The following FBXO31 variants were observed in gnomAD, a reference collection of about 807,000 sequenced individuals.
FBXO31 encodes the protein F-box protein 31, also known as F-box only protein 31.
A neutral mutation model predicts 54.4 loss-of-function variants in FBXO31; 24 were observed. The observed-to-expected ratio is 0.44, with a 90% CI of 0.32 to 0.62. The LOEUF (loss-of-function observed/expected upper bound fraction) is 0.62, where lower values mean the gene tolerates loss of function less well. FBXO31 is among the 20% of genes least tolerant of loss of function. The pLI, the probability that FBXO31 is intolerant of heterozygous loss-of-function variation, is 0.05. For synonymous variants in FBXO31, 388 were observed against 335.6 expected, an observed-to-expected ratio of 1.16 and a Z score of -1.71; for missense variants, 665 against 787.1, an observed-to-expected ratio of 0.84 and a Z score of 1.86.
chr16:87,347,512 C>T (rs967130816), intron 2 of FBXO31, among the ~76,000 whole-genome samples: 1 of 152,060 alleles, frequency 6.6e-6, no homozygotes, highest in Non-Finnish European at 1.5e-5. Context: ...AACCCCGTCT[C>T]TACTAAAACT....
rs1906017563 is a variant in FBXO31 at position 87,358,957 on chromosome 16, G to A, written c.412+1338C>T. 6.6e-6 allele frequency among the ~76,000 whole-genome samples: 1 copy of A among 152,184 alleles called. No homozygotes were observed. Among genetic ancestry groups the A allele is most frequent in the South Asian group, 2.1e-4 (1 of 4,832 alleles). On this transcript the variant is annotated intron_variant, in intron 2 of 8. Transcript: ENST00000311635. The surrounding 1 kb of genome is among the most constrained non-coding windows in gnomAD (Gnocchi z 4.0). ...GCTAACTCAGGCCAGCCTCGTCACA[G>A]GTCATCCAAGGTTGCCCAACTACAC... is the stretch of plus-strand genomic sequence containing the variant.
At chr16:87,333,585 G>A (rs561878607) in intron 8 of FBXO31, among the ~76,000 whole-genome samples, 5 of 152,358 alleles carry the variant, frequency 3.3e-5, no homozygotes, top group Non-Finnish European at 2.9e-5. Flanking sequence ...GCCCCTGGGG[G>A]AGCGGCACTA....
upstream of FBXO31, among the ~76,000 whole-genome samples, chr16:87,390,795 C>T (rs1336198298): frequency 6.6e-6 from 1 of 151,810 alleles, no homozygotes; most frequent in Non-Finnish European, 1.5e-5. Context: ...CGGGGTCTTG[C>T]TATGTTGCCC....
intron 2 of FBXO31, among the ~76,000 whole-genome samples, chr16:87,354,194 C>G (rs1323190597): frequency 2.0e-5 from 3 of 152,212 alleles, no homozygotes; most frequent in Non-Finnish European, 4.4e-5. Flanking sequence ...GAACATTGTC[C>G]AGGCGCGGTG....
At chr16:87,366,677 A>G (rs932322812) in intron 1 of FBXO31, among the ~76,000 whole-genome samples, 1 of 152,246 alleles carries the variant, frequency 6.6e-6, no homozygotes, top group African/African-American at 2.4e-5. Context: ...TATGTACCAC[A>G]GTTGCTGGTA....
intron 1 of FBXO31, among the ~76,000 whole-genome samples, chr16:87,361,598 G>A (rs892571641): frequency 7.9e-5 from 12 of 152,332 alleles, no homozygotes; most frequent in Middle Eastern, 3.4e-3. Flanking sequence ...ACGTCGATAC[G>A]ATGCGGTCAG....
chr16:87,334,586 G>C (rs1467807710), intron 7 of FBXO31, among the ~76,000 whole-genome samples: 3 of 152,372 alleles, frequency 2.0e-5, no homozygotes, highest in East Asian at 3.9e-4. Context: ...CTGTCTGCCT[G>C]AAAGGCAGAG....
At chr16:87,359,778 G>A (rs968452552) in intron 2 of FBXO31, among the ~76,000 whole-genome samples, 5 of 152,160 alleles carry the variant, frequency 3.3e-5, no homozygotes, top group Admixed American at 2.0e-4. Flanking sequence ...CTGCCTGATC[G>A]GTGAGTGTCA....
Position 87,336,389 on chromosome 16 carries a change from C to A in FBXO31, c.733-125G>T. 2 of 773,472 alleles carry A rather than the reference C, an allele frequency of 2.6e-6. No individual in the cohort carries two copies. Among genetic ancestry groups the A allele is most frequent in the East Asian group, 2.7e-5 (1 of 37,388 alleles). 47.9% of individuals were successfully genotyped at this position (773,472 alleles called of 1,614,324 possible). ...AGTGCACAGGCACCTGCAGGGCCCT[C>A]TTGGTGGGGGAGGATGGACTTGGCG... On this transcript the variant is annotated intron_variant, in intron 5 of 8. Transcript: ENST00000311635. The surrounding 1 kb of genome is among the most constrained non-coding windows in gnomAD (Gnocchi z 6.5).
chr16:87,334,318 G>T, intron 7 of FBXO31, 32 bp from the exon 8 acceptor site: 2 of 1,534,708 alleles, frequency 1.3e-6, no homozygotes, highest in East Asian at 2.3e-5. Context: ...GCAGGGCTCA[G>T]GCCAGCAGCA....
intron 1 of FBXO31, among the ~76,000 whole-genome samples, chr16:87,370,126 T>C (rs1035035083): frequency 9.2e-5 from 14 of 152,184 alleles, no homozygotes; most frequent in Admixed American, 3.9e-4. Flanking sequence ...GGGAATGCTT[T>C]GGAAGAGCCC....
At chr16:87,391,317 C>G (rs1907538073), upstream of FBXO31, among the ~76,000 whole-genome samples, 1 of 152,174 alleles carries the variant, frequency 6.6e-6, no homozygotes, top group Non-Finnish European at 1.5e-5. Context: ...AAAAAAACCC[C>G]AAAGAATCTA....
chr16:87,381,275 G>C (rs972383216), intron 1 of FBXO31, among the ~76,000 whole-genome samples: 1 of 152,006 alleles, frequency 6.6e-6, no homozygotes, highest in African/African-American at 2.4e-5. Flanking sequence ...GACAAAAATA[G>C]ACATCTTAAG....
chr16:87,348,399 C>G (rs1905488195), intron 2 of FBXO31, among the ~76,000 whole-genome samples: 1 of 152,210 alleles, frequency 6.6e-6, no homozygotes, highest in Non-Finnish European at 1.5e-5. Context: ...GGAAGCCTTA[C>G]CCATCAAGAG....
At chr16:87,378,745 A>T (rs1465033945) in intron 1 of FBXO31, among the ~76,000 whole-genome samples, 6 of 152,128 alleles carry the variant, frequency 3.9e-5, no homozygotes, top group Non-Finnish European at 7.4e-5. Flanking sequence ...GTGGATCATG[A>T]GGTCAGGAGA....
chr16:87,380,124 C>T (rs1380423800), intron 1 of FBXO31, among the ~76,000 whole-genome samples: 3 of 150,968 alleles, frequency 2.0e-5, no homozygotes, highest in Admixed American at 1.3e-4. Flanking sequence ...ACGGTGAAAC[C>T]CCGTCTCTAC....
intron 2 of FBXO31, among the ~76,000 whole-genome samples, chr16:87,351,236 T>G (rs1905641419): frequency 6.6e-6 from 1 of 152,214 alleles, no homozygotes; most frequent in Admixed American, 6.5e-5. Flanking sequence ...TCCATGGATT[T>G]CAATAGGAAT....
chr16:87,366,873 C>T (rs1347642776), intron 1 of FBXO31, among the ~76,000 whole-genome samples: 1 of 151,964 alleles, frequency 6.6e-6, no homozygotes, highest in Non-Finnish European at 1.5e-5. Context: ...AATAGCAATG[C>T]GGAAAATAAA....
chr16:87,367,947 T>G (rs1478085066), intron 1 of FBXO31: 1 of 152,206 alleles, frequency 6.6e-6, no homozygotes, highest in Non-Finnish European at 1.5e-5. Flanking sequence ...TCCTCTAACC[T>G]GTCAGAAACA....
Sources: allele counts gnomAD v4.1 joint callset (sites outside exome capture counted in the v4.1 genomes callset), GRCh38; gene constraint gnomAD v4.1.1; non-coding constraint Gnocchi (gnomAD v3.1); transcripts MANE v1.5; gene names NCBI Gene and HGNC (gene_info 2026-07-23, HGNC 2026-07-21).